FAT3: variants seen among roughly 807,000 people sequenced by gnomAD.
FAT3 encodes protocadherin Fat 3.
A neutral mutation model predicts 310.2 loss-of-function variants in FAT3; 95 were observed. The ratio of observed to expected loss-of-function variants is 0.31; its 90% CI spans 0.26 to 0.36. FAT3 has a LOEUF of 0.36. FAT3 is among the 10% of genes least tolerant of loss of function. FAT3 has a pLI of 1.00. For synonymous variants in FAT3, 2,314 were observed against 2,192.9 expected (o/e 1.06, Z -1.54); for missense variants, 5,408 against 5,715.6 (o/e 0.95, Z 1.74).
chr11:92,749,245 T>C (rs1945758713), intron 4 of FAT3, among the ~76,000 whole-genome samples: 1 of 152,120 alleles, frequency 6.6e-6, no homozygotes, highest in Non-Finnish European at 1.5e-5. Context: ...GGAAAACACC[T>C]AAATTAAAAC....
chr11:92,474,278 C>T (rs1951989365), intron 2 of FAT3, among the ~76,000 whole-genome samples: 1 of 152,118 alleles, frequency 6.6e-6, no homozygotes, highest in Non-Finnish European at 1.5e-5. Context: ...CATATTTCTT[C>T]ATGAGAAATT....
At chr11:92,886,952 A>G in intron 24 of FAT3, 48 bp from the exon 25 acceptor site, 1 of 1,476,016 alleles carries the variant, frequency 6.8e-7, no homozygotes, top group Non-Finnish European at 9.3e-7. Context: ...GGAAATAGGC[A>G]CAAGGTAACC....
intron 4 of FAT3, among the ~76,000 whole-genome samples, chr11:92,751,945 G>A (rs770112626): frequency 6.6e-6 from 1 of 152,036 alleles, no homozygotes; most frequent in Non-Finnish European, 1.5e-5. Context: ...ATGCCTACAG[G>A]ATTCCTGTGA....
rs777798055 is a variant in FAT3 at position 92,786,173 on chromosome 11, A to G, written c.4336-3770A>G. The stretch of plus-strand genomic sequence containing the variant: ...AAATTGCAACTCGATTAGCGATGTA[A>G]ATGAAAGAAAAGAAAACATACAAAT... On this transcript the variant is annotated intron_variant, in intron 7 of 27. Coordinates refer to ENST00000525166, the MANE Select transcript of FAT3 (RefSeq NM_001367949.2). Among the ~76,000 whole-genome samples, 5 of 152,300 alleles carry G rather than the reference A, an allele frequency of 3.3e-5. No individual in the cohort carries two copies. In the South Asian group the frequency reaches 8.3e-4, roughly 25 times the overall value.
At chr11:92,745,181 A>G (rs1945621427) in intron 4 of FAT3, among the ~76,000 whole-genome samples, 1 of 152,204 alleles carries the variant, frequency 6.6e-6, no homozygotes, top group Non-Finnish European at 1.5e-5. Flanking sequence ...AGCTACCAAT[A>G]TATACTTTCT....
chr11:92,444,715 T>G (rs1156478646), intron 2 of FAT3, among the ~76,000 whole-genome samples: 2 of 151,866 alleles, frequency 1.3e-5, no homozygotes, highest in Non-Finnish European at 2.9e-5. Context: ...CACTAATTTT[T>G]AGGACTAGAT....
intron 22 of FAT3, among the ~76,000 whole-genome samples, chr11:92,869,738 T>A (rs1258794747): frequency 1.3e-5 from 2 of 152,214 alleles, no homozygotes; most frequent in Non-Finnish European, 2.9e-5. Flanking sequence ...ATTAAAAGGT[T>A]ACTTAAAAGA....
intron 2 of FAT3, among the ~76,000 whole-genome samples, chr11:92,379,934 G>C (rs932796320): frequency 6.6e-6 from 1 of 152,064 alleles, no homozygotes; most frequent in African/African-American, 2.4e-5. Flanking sequence ...AGGTAGATGA[G>C]GTAAAAAATC....
intron 4 of FAT3, among the ~76,000 whole-genome samples, chr11:92,742,771 C>A (rs1177204351): frequency 6.6e-6 from 1 of 152,202 alleles, no homozygotes; most frequent in African/African-American, 2.4e-5. Context: ...AAATAAACTT[C>A]TATTGTTTAT....
At chr11:92,578,769 T>G (rs1938625827) in intron 3 of FAT3, among the ~76,000 whole-genome samples, 1 of 152,130 alleles carries the variant, frequency 6.6e-6, no homozygotes, top group African/African-American at 2.4e-5. Flanking sequence ...CTCTCACAGA[T>G]GAGTGTTTTA....
intron 3 of FAT3, among the ~76,000 whole-genome samples, chr11:92,621,195 C>T (rs913127750): frequency 2.6e-5 from 4 of 152,140 alleles, no homozygotes; most frequent in African/African-American, 9.7e-5. Flanking sequence ...CTGCCTTTAT[C>T]GTGATCACGT....
chr11:92,293,068 GGAAGGAAGGAAA>G (rs1233544332), intron 1 of FAT3, among the ~76,000 whole-genome samples: 32 of 101,018 alleles, frequency 3.2e-4, no homozygotes, highest in East Asian at 1.1e-3. Context: ...AAGGAAGGAA[GGAAGGAAGGAAA>G]GAAGGAAGGA....
intron 3 of FAT3, among the ~76,000 whole-genome samples, chr11:92,601,759 C>T (rs1031284985): frequency 6.6e-6 from 1 of 152,130 alleles, no homozygotes; most frequent in African/African-American, 2.4e-5. Context: ...GCTCAGAGGT[C>T]TACTTCTCCG....
chr11:92,277,900 G>A (rs1457821310), intron 1 of FAT3, among the ~76,000 whole-genome samples: 2 of 151,438 alleles, frequency 1.3e-5, no homozygotes, highest in Admixed American at 1.3e-4. Context: ...GGGCAACATG[G>A]CAAAACCCCA....
At chr11:92,716,987 CT>C (rs35782249) in intron 4 of FAT3, among the ~76,000 whole-genome samples, 23,735 of 152,112 alleles carry the variant, frequency 0.16, 1,954 homozygotes, top group African/African-American at 0.19. Context: ...CATATATTTG[CT>C]GAATGATCTA....
chr11:92,420,062 T>C (rs75151152), intron 2 of FAT3, among the ~76,000 whole-genome samples: 2,469 of 152,298 alleles, frequency 0.016, 75 homozygotes, highest in African/African-American at 0.057. Context: ...GTCAACAAAG[T>C]AAAGCCTGCC....
rs1353769158 is a variant in FAT3 at position 92,564,533 on chromosome 11, T to G, written c.3607+39585T>G. Among the ~76,000 whole-genome samples the G allele has an allele frequency of 4.2e-3, 644 of 151,658 alleles. 1 individual carries two copies. Among genetic ancestry groups the G allele is most frequent in the African/African-American group, 0.015 (607 of 41,074 alleles). On this transcript the variant is annotated intron_variant, in intron 3 of 27. Transcript: ENST00000525166. ...AATTGAACTCAGCTCTGCACCAAGT[T>G]GACCTAATAGACATCTGCAGAACTC...
At position 92,522,760 on chromosome 11, in the gene FAT3, T is replaced by C. The variant is rs528332789; in HGVS notation, c.3293-1874T>C. On this transcript the variant is annotated intron_variant, in intron 2 of 27. Transcript: ENST00000525166. ...TTGTGTCCTATAGTTCATCTTTTGA[T>C]GTAAAGAGCCAAATTCCACCTCATT... Among the ~76,000 whole-genome samples, 6 of 152,282 alleles carry C rather than the reference T, an allele frequency of 3.9e-5. No individual in the cohort carries two copies. In the South Asian group the frequency reaches 1.2e-3, roughly 32 times the overall value.
rs1263927371 is a variant in FAT3 at position 92,353,365 on chromosome 11, T to G, written c.1253T>G (p.Val418Gly). 1.2e-6 allele frequency: 2 copies of G among 1,613,378 alleles called. No individual in the cohort carries two copies. Among genetic ancestry groups the G allele is most frequent in the African/African-American group, 2.7e-5 (2 of 74,924 alleles). Residue 418 changes from valine (V) to glycine (G), a missense_variant, in exon 2 of 28, where the codon GTG becomes GGG. By Grantham distance (109) the Val-to-Gly change is moderately radical (BLOSUM62 -3). Around this residue, in one of 5 missense-constraint regions of FAT3, gnomAD observed 4,588 missense variants for 4,809.8 expected, o/e 0.95. Transcript: ENST00000525166. ...AAATTATCTCCTGGTGAGGATGCAG[T>G]GTACTTTAAAATTAATCCTCGGTCG... is the stretch of plus-strand genomic sequence containing the variant. The part of the protein sequence containing the change: ...EYKLSPGEDA[V>G]YFKINPRSGL...
Sources: gnomAD v4.1 joint callset for allele counts (sites outside exome capture counted in the v4.1 genomes callset) on GRCh38, gnomAD v4.1.1 for gene constraint, gnomAD v4.1.1 regional missense constraint, MANE v1.5 for transcripts, NCBI Gene and HGNC (gene_info 2026-07-23, HGNC 2026-07-21) for gene names.